PRKG1: variants seen among roughly 807,000 people sequenced by gnomAD.
PRKG1 encodes the protein protein kinase cGMP-dependent 1, also known as cGMP-dependent protein kinase 1.
Under a neutral mutation model 88.1 loss-of-function variants are expected in PRKG1, and 35 were observed. That is an observed-to-expected ratio of 0.40 (90% CI 0.30 to 0.53). PRKG1 has a LOEUF of 0.53. Ranked by LOEUF, PRKG1 falls within the 20% of genes least tolerant of loss-of-function variation. The pLI, the probability that PRKG1 is intolerant of heterozygous loss-of-function variation, is 0.59. For missense variants in PRKG1, 540 were observed against 839.8 expected (o/e 0.64, Z 4.41); for synonymous variants, 303 against 292.5 (o/e 1.04, Z -0.37).
intron 2 of PRKG1, among the ~76,000 whole-genome samples, chr10:51,381,249 T>G: frequency 1.6e-5 from 1 of 62,112 alleles, no homozygotes; most frequent in African/African-American, 5.7e-5. Context: ...AGAGCAAGCC[T>G]CCATCTTAAA....
chr10:51,717,105 T>G (rs1841904681), intron 3 of PRKG1, among the ~76,000 whole-genome samples: 1 of 152,200 alleles, frequency 6.6e-6, no homozygotes, highest in African/African-American at 2.4e-5. Flanking sequence ...CAGCTGGTTC[T>G]TCCAGTAAGG....
intron 7 of PRKG1, among the ~76,000 whole-genome samples, chr10:52,132,177 A>G (rs1483925148): frequency 6.6e-6 from 1 of 152,168 alleles, no homozygotes; most frequent in Non-Finnish European, 1.5e-5. Flanking sequence ...CCATGTTCTT[A>G]TATGGAAAAA....
At chr10:52,136,151 G>C (rs1298606194) in intron 8 of PRKG1, among the ~76,000 whole-genome samples, 1 of 152,040 alleles carries the variant, frequency 6.6e-6, no homozygotes, top group Admixed American at 6.6e-5. Context: ...ATTACAAAGT[G>C]TGACTAGGTA....
chr10:52,191,276 A>T (rs1839356905), intron 9 of PRKG1, among the ~76,000 whole-genome samples: 1 of 151,522 alleles, frequency 6.6e-6, no homozygotes, highest in Non-Finnish European at 1.5e-5. Flanking sequence ...CCACCTGCCG[A>T]GTAGCTGGGA....
At chr10:51,584,513 C>G (rs1838123438) in intron 3 of PRKG1, among the ~76,000 whole-genome samples, 1 of 151,990 alleles carries the variant, frequency 6.6e-6, no homozygotes. Context: ...GTTCCATTCT[C>G]ATAGTGCACC....
At chr10:51,518,560 A>G (rs1309409374) in intron 3 of PRKG1, among the ~76,000 whole-genome samples, 1 of 152,194 alleles carries the variant, frequency 6.6e-6, no homozygotes, top group Admixed American at 6.5e-5. Context: ...TAAAACATGC[A>G]TTGGAGAGGT....
At chr10:51,528,373 T>A (rs373773563) in intron 3 of PRKG1, among the ~76,000 whole-genome samples, 2 of 152,194 alleles carry the variant, frequency 1.3e-5, no homozygotes, top group African/African-American at 4.8e-5. Flanking sequence ...TGGCAAAATG[T>A]GAAGACAGCA....
At chr10:51,531,479 A>G (rs560942773) in intron 3 of PRKG1, among the ~76,000 whole-genome samples, 1 of 152,266 alleles carries the variant, frequency 6.6e-6, no homozygotes, top group African/African-American at 2.4e-5. Context: ...GGAATAAAAA[A>G]TAGAGACCTT....
rs149497655 is a variant in PRKG1 at position 51,164,954 on chromosome 10, A to G, written c.478+11624A>G. ...ACCTGAAATTGACGGGGAAAATGGA[A>G]CCAAGTTGGAAAACACTCTGCATGA... On this transcript the variant is annotated intron_variant, in intron 2 of 17. Transcript: ENST00000373980. 7.7e-3 allele frequency among the ~76,000 whole-genome samples: 1,166 copies of G among 152,340 alleles called. 11 individuals are homozygous for G. Among genetic ancestry groups the G allele is most frequent in the African/African-American group, 0.027 (1,111 of 41,574 alleles).
chr10:51,806,049 C>T (rs1018676469), intron 4 of PRKG1, among the ~76,000 whole-genome samples: 5 of 151,866 alleles, frequency 3.3e-5, no homozygotes, highest in Non-Finnish European at 7.4e-5. Context: ...TGTGTCTATA[C>T]GTATGTTGTG....
intron 5 of PRKG1, among the ~76,000 whole-genome samples, chr10:51,924,016 A>G (rs114752369): frequency 0.055 from 8,347 of 151,982 alleles, 277 homozygotes; most frequent in Middle Eastern, 0.11. Context: ...TTTTGTAGAG[A>G]CTGGGTTTCA....
intron 3 of PRKG1, among the ~76,000 whole-genome samples, chr10:51,730,590 C>T (rs1377871987): frequency 3.3e-5 from 5 of 152,090 alleles, no homozygotes; most frequent in Admixed American, 3.3e-4. Context: ...TAGTGGCTTT[C>T]AAGTTTTTTG....
At chr10:51,094,064 C>A (rs1187871222) in intron 1 of PRKG1, among the ~76,000 whole-genome samples, 1 of 151,942 alleles carries the variant, frequency 6.6e-6, no homozygotes, top group African/African-American at 2.4e-5. Flanking sequence ...GTGCAGTGAA[C>A]AATGAGTGCT....
intron 1 of PRKG1, among the ~76,000 whole-genome samples, chr10:51,034,668 T>TTTTTA (rs9299454): frequency 2.6e-4 from 18 of 68,186 alleles, no homozygotes; most frequent in Admixed American, 1.4e-3. Flanking sequence ...AATATGTTAT[T>TTTTTA]TATATATATA....
chr10:51,971,264 T>G (rs1328099137), intron 5 of PRKG1, among the ~76,000 whole-genome samples: 1 of 152,010 alleles, frequency 6.6e-6, no homozygotes, highest in East Asian at 1.9e-4. Context: ...TAGAAAAATT[T>G]ATAGAGCTAT....
Position 52,290,207 on chromosome 10 carries a change from G to GT in PRKG1, c.1896-11dup, listed in dbSNP as rs756748643. ...GCTGACACAAAATGTTTTTATCAAC[G>GT]TTTTTTCCTTTTCTAGATGGTTTGA... On this transcript the variant is annotated splice_polypyrimidine_tract_variant and intron_variant, in intron 16 of 17. Transcript: ENST00000373980. 3 of 1,609,708 alleles carry GT rather than the reference G, an allele frequency of 1.9e-6. No homozygotes were observed. The Admixed American group carries it at 5.0e-5, about 27-fold the overall frequency.
chr10:51,822,354 T>C (rs1268198544), intron 4 of PRKG1, among the ~76,000 whole-genome samples: 1 of 151,888 alleles, frequency 6.6e-6, no homozygotes, highest in Non-Finnish European at 1.5e-5. Flanking sequence ...TACTTAAGTG[T>C]AGAAACTAAA....
chr10:51,670,740 AAAAAT>A (rs1165064809), intron 3 of PRKG1, among the ~76,000 whole-genome samples: 2 of 115,370 alleles, frequency 1.7e-5, no homozygotes, highest in African/African-American at 6.7e-5. Context: ...CGTCTCAAAA[AAAAAT>A]AAATAAATAA....
intron 7 of PRKG1, among the ~76,000 whole-genome samples, chr10:52,083,134 G>A (rs545003403): frequency 6.6e-6 from 1 of 151,960 alleles, no homozygotes; most frequent in African/African-American, 2.4e-5. Context: ...TTTCTCTTTA[G>A]TGTTATATAT....
Sources: gnomAD v4.1 joint callset for allele counts (sites outside exome capture counted in the v4.1 genomes callset) on GRCh38, gnomAD v4.1.1 for gene constraint, MANE v1.5 for transcripts, NCBI Gene and HGNC (gene_info 2026-07-23, HGNC 2026-07-21) for gene names.